The following PPP1R37 variants were observed in gnomAD, a reference collection of about 807,000 sequenced individuals.
The protein encoded by PPP1R37 is leucine rich repeat containing 68.
A neutral mutation model predicts 61.0 loss-of-function variants in PPP1R37; 21 were observed. The observed-to-expected ratio is 0.34, with a 90% CI of 0.24 to 0.50. PPP1R37 has a LOEUF of 0.50. PPP1R37 is among the 20% of genes least tolerant of loss of function. The pLI, the probability that PPP1R37 is intolerant of heterozygous loss-of-function variation, is 0.98. For missense variants in PPP1R37, 910 were observed against 952.7 expected, an observed-to-expected ratio of 0.96 and a Z score of 0.59; for synonymous variants, 443 against 433.5, an observed-to-expected ratio of 1.02 and a Z score of -0.27.
At chr19:45,133,343 CAA>C (rs1408548038) in intron 1 of PPP1R37, among the ~76,000 whole-genome samples, 1 of 152,236 alleles carries the variant, frequency 6.6e-6, no homozygotes, top group Non-Finnish European at 1.5e-5. Context: ...CTCAGCCTCC[CAA>C]AGTGCTGGGA....
At chr19:45,132,547 C>T (rs1968491418) in intron 1 of PPP1R37, among the ~76,000 whole-genome samples, 1 of 152,004 alleles carries the variant, frequency 6.6e-6, no homozygotes, top group Admixed American at 6.6e-5. Flanking sequence ...GTGATCCTCT[C>T]GCCTCAGCCT....
Position 45,140,496 on chromosome 19 carries a change from C to G in PPP1R37, c.347-10C>G, listed in dbSNP as rs1171667803. The G allele has an allele frequency of 6.5e-7, 1 of 1,532,856 alleles. No homozygotes were observed. Among genetic ancestry groups the G allele is most frequent in the African/African-American group, 1.4e-5 (1 of 72,986 alleles). 95.0% of individuals were successfully genotyped at this position (1,532,856 alleles called of 1,614,324 possible). A position where few individuals can be genotyped will look rare whatever the true frequency, so the allele number is the denominator to read the frequency against. ...TCTTAGACATGCGCACGGCTGCTGTCTCCCCCCAGGTGAGAAGCTTGACTA... is the reference window on the plus strand; with the variant it reads ...TCTTAGACATGCGCACGGCTGCTGTGTCCCCCCAGGTGAGAAGCTTGACTA... On this transcript the variant is annotated splice_polypyrimidine_tract_variant and intron_variant, in intron 3 of 12. Transcript: ENST00000221462.
At chr19:45,126,218 A>T (rs1968402798) in intron 1 of PPP1R37, among the ~76,000 whole-genome samples, 1 of 152,196 alleles carries the variant, frequency 6.6e-6, no homozygotes, top group Admixed American at 6.5e-5. Flanking sequence ...AACGATGGTG[A>T]TGGTGCCCCC....
chr19:45,128,800 A>T, intron 1 of PPP1R37: 1 of 621,062 alleles, frequency 1.6e-6, no homozygotes, highest in East Asian at 3.5e-5. Flanking sequence ...TCACCTTATA[A>T]TGTGGGTGTC....
intron 1 of PPP1R37, among the ~76,000 whole-genome samples, chr19:45,106,280 T>A (rs1968129627): frequency 6.6e-6 from 1 of 152,104 alleles, no homozygotes; most frequent in African/African-American, 2.4e-5. Context: ...TCGCTCTTGT[T>A]GCCCAGGCTG....
chr19:45,116,110 T>C (rs992680805), intron 1 of PPP1R37, among the ~76,000 whole-genome samples: 2 of 152,178 alleles, frequency 1.3e-5, no homozygotes, highest in African/African-American at 4.8e-5. Context: ...GCAGCTGCTG[T>C]GTGTGAGGCG....
At chr19:45,141,249 C>T (rs1026746905) in intron 4 of PPP1R37, 73 bp from the exon 5 acceptor site, 25 of 1,456,290 alleles carry the variant, frequency 1.7e-5, no homozygotes, top group African/African-American at 1.1e-4. Flanking sequence ...CGGTGGGGCC[C>T]GGTGTCAGGG....
rs974603680 is a variant in PPP1R37, at chr19:45,140,501, C to G, written c.347-5C>G. 4.6e-6 allele frequency: 7 copies of G among 1,534,722 alleles called. No individual in the cohort carries two copies. In the Admixed American group the frequency reaches 1.2e-4, roughly 26 times the overall value. On this transcript the variant is annotated splice_region_variant and splice_polypyrimidine_tract_variant and intron_variant, in intron 3 of 12. Transcript: ENST00000221462. ...GACATGCGCACGGCTGCTGTCTCCC[C>G]CCAGGTGAGAAGCTTGACTACAAGA...
At chr19:45,142,261 G>T (rs909100195) in intron 6 of PPP1R37, 42 bp from the exon 7 acceptor site, 1 of 1,534,008 alleles carries the variant, frequency 6.5e-7, no homozygotes, top group African/African-American at 1.4e-5. Context: ...CTGTTGGGGG[G>T]CAGGGGCCTG....
chr19:45,132,134 C>T (rs1442442953), intron 1 of PPP1R37, among the ~76,000 whole-genome samples: 1 of 152,144 alleles, frequency 6.6e-6, no homozygotes, highest in East Asian at 1.9e-4. Context: ...GAATTCTGGT[C>T]CCTGCTTAAT....
At chr19:45,099,127 C>A (rs1002111466) in intron 1 of PPP1R37, among the ~76,000 whole-genome samples, 1 of 152,130 alleles carries the variant, frequency 6.6e-6, no homozygotes. Flanking sequence ...CCACCTATAG[C>A]CCTAACATTT....
intron 1 of PPP1R37, among the ~76,000 whole-genome samples, chr19:45,117,846 G>C (rs546828260): frequency 1.3e-5 from 2 of 152,364 alleles, no homozygotes; most frequent in Non-Finnish European, 2.9e-5. Flanking sequence ...GTAAGCCAGT[G>C]CTCGTCCTTG....
At chr19:45,132,375 A>G (rs1431513005) in intron 1 of PPP1R37, among the ~76,000 whole-genome samples, 2 of 151,952 alleles carry the variant, frequency 1.3e-5, no homozygotes, top group African/African-American at 4.8e-5. Flanking sequence ...ACACAATCAC[A>G]GCTCACTGCA....
At chr19:45,104,298 C>A (rs1449587914) in intron 1 of PPP1R37, among the ~76,000 whole-genome samples, 3 of 152,170 alleles carry the variant, frequency 2.0e-5, no homozygotes, top group Non-Finnish European at 4.4e-5. Flanking sequence ...GCATCCTGTC[C>A]ATCTGGCTCC....
At chr19:45,108,141 C>T (rs891279145) in intron 1 of PPP1R37, among the ~76,000 whole-genome samples, 7 of 152,126 alleles carry the variant, frequency 4.6e-5, no homozygotes, top group Admixed American at 3.3e-4. Flanking sequence ...AGGGTTCTGT[C>T]GTCATAGTCA....
In PPP1R37 at chr19:45,127,511, T is replaced by C. The variant is rs541683384; in HGVS notation, c.203-11003T>C. Among the ~76,000 whole-genome samples the C allele has an allele frequency of 1.3e-4, 20 of 152,254 alleles. 1 individual carries two copies. The highest frequency in any genetic ancestry group is 8.3e-4 in the South Asian group (4 of 4,822). On this transcript the variant is annotated intron_variant, in intron 1 of 12. Coordinates refer to ENST00000221462, the MANE Select transcript of PPP1R37 (RefSeq NM_019121.2). ...ACACAGTGGTAGGTATTTGTGTATA[T>C]GAACGTAGACAAGGGACAGTAAAAA...
chr19:45,140,513 G>C lies in PPP1R37; in HGVS notation c.354G>C (p.Lys118Asn). ...RLDCLDLKGE[K>N]LDYKTCEALE... The stretch of plus-strand genomic sequence containing the variant: ...GCTGCTGTCTCCCCCCAGGTGAGAA[G>C]CTTGACTACAAGACCTGTGAGGCCC... The change falls in exon 4 of 13, where the codon AAG (lysine) becomes AAC (asparagine). Residue 118 changes from lysine to asparagine, a missense_variant. Transcript: ENST00000221462. 1 of 1,535,818 alleles carries C rather than the reference G, an allele frequency of 6.5e-7. No individual in the cohort carries two copies. Among genetic ancestry groups the C allele is most frequent in the Non-Finnish European group, 8.7e-7 (1 of 1,146,650 alleles).
chr19:45,095,734 G>C (rs920440742), intron 1 of PPP1R37, among the ~76,000 whole-genome samples: 1 of 147,798 alleles, frequency 6.8e-6, no homozygotes, highest in African/African-American at 2.5e-5. Flanking sequence ...CTGAACTCCA[G>C]CTTGGGTGAC....
intron 1 of PPP1R37, among the ~76,000 whole-genome samples, chr19:45,104,954 C>A (rs1187606130): frequency 6.6e-6 from 1 of 152,226 alleles, no homozygotes; most frequent in Non-Finnish European, 1.5e-5. Flanking sequence ...CTAATGGGCT[C>A]CCCGTCAGGT....
Sources: gnomAD v4.1 joint callset for allele counts (sites outside exome capture counted in the v4.1 genomes callset) on GRCh38, gnomAD v4.1.1 for gene constraint, MANE v1.5 for transcripts, NCBI Gene and HGNC (gene_info 2026-07-23, HGNC 2026-07-21) for gene names.